CKAP5: variants seen among roughly 807,000 people sequenced by gnomAD.
CKAP5 encodes the protein cytoskeleton-associated protein 5.
A neutral mutation model predicts 232.8 loss-of-function variants in CKAP5; 27 were observed. That is an observed-to-expected ratio of 0.12 (90% CI 0.09 to 0.16). The LOEUF is 0.16. Among genes scored for constraint, CKAP5 ranks in the 10% least tolerant of loss-of-function variants. The pLI, the probability that CKAP5 is intolerant of heterozygous loss-of-function variation, is 1.00. For synonymous variants in CKAP5, 785 were observed against 841.1 expected, an observed-to-expected ratio of 0.93 and a Z score of 1.16; for missense variants, 1,838 against 2,424.7, an observed-to-expected ratio of 0.76 and a Z score of 5.08.
In CKAP5 at chr11:46,759,339, A is replaced by G. The variant is rs1455977434; in HGVS notation, c.4498T>C (p.Cys1500Arg). ...EIENDNGTVRCEMPELVQHKL... is the reference protein window; with the variant it reads ...EIENDNGTVRREMPELVQHKL... ...TGCTGAACAAGTTCTGGCATTTCAC[A>G]TCGGACTGTACCATTGTCATTCTCA... Residue 1500 changes from cysteine (C) to arginine (R), a missense_variant, in exon 34 of 44, where the codon TGT becomes CGT. Physicochemically the swap from Cys to Arg is radical, Grantham distance 180. Coordinates refer to ENST00000529230, the MANE Select transcript of CKAP5 (RefSeq NM_001008938.4). 6 of 1,614,168 alleles carry G rather than the reference A, an allele frequency of 3.7e-6. No individual in the cohort carries two copies. The highest frequency in any genetic ancestry group is 5.1e-6 in the Non-Finnish European group (6 of 1,180,044).
At chr11:46,750,003 C>CT (rs1168708284) in intron 42 of CKAP5, among the ~76,000 whole-genome samples, 1 of 151,266 alleles carries the variant, frequency 6.6e-6, no homozygotes, top group Non-Finnish European at 1.5e-5. Context: ...GCCAGTGAGA[C>CT]TGGAGGAAAA....
Position 46,743,801 on chromosome 11 carries a change from C to A in CKAP5, c.*222G>T. 1.7e-6 allele frequency: 1 copy of A among 581,954 alleles called. No individual in the cohort carries two copies. Among genetic ancestry groups the A allele is most frequent in the Non-Finnish European group, 3.0e-6 (1 of 330,130 alleles). 36.0% of individuals were successfully genotyped at this position (581,954 alleles called of 1,614,324 possible). A position where few individuals can be genotyped will look rare whatever the true frequency, so the allele number is the denominator to read the frequency against. On this transcript the variant is annotated 3_prime_UTR_variant, in exon 44 of 44. Transcript: ENST00000529230. ...GGGGGCAGCTGTTTACAAGTCTGTA[C>A]ACTAAACTCATCCACGGACAGTCTT...
At chr11:46,759,147 G>T in intron 34 of CKAP5, 104 bp from the exon 35 acceptor site, 1 of 1,502,784 alleles carries the variant, frequency 6.7e-7, no homozygotes, top group Non-Finnish European at 9.0e-7. Flanking sequence ...GTTAACAACT[G>T]CTATCATTCA....
chr11:46,826,430 C>CAG (rs894569096), intron 1 of CKAP5, among the ~76,000 whole-genome samples: 2 of 152,084 alleles, frequency 1.3e-5, no homozygotes, highest in African/African-American at 4.8e-5. Context: ...ATCCAAGGCC[C>CAG]AGAGAGAGAG....
chr11:46,749,604 TAA>T (rs2065047625), intron 42 of CKAP5, among the ~76,000 whole-genome samples: 1 of 150,462 alleles, frequency 6.6e-6, no homozygotes, highest in Non-Finnish European at 1.5e-5. Context: ...ATTAAGGAAA[TAA>T]GAGAAAGAGA....
intron 24 of CKAP5, among the ~76,000 whole-genome samples, chr11:46,774,068 A>G (rs2065271527): frequency 6.6e-6 from 1 of 152,208 alleles, no homozygotes; most frequent in Admixed American, 6.5e-5. Context: ...ATAGGAAGAG[A>G]GGAAGTCAAA....
At chr11:46,804,191 T>G (rs1368710420) in intron 8 of CKAP5, among the ~76,000 whole-genome samples, 2 of 152,226 alleles carry the variant, frequency 1.3e-5, no homozygotes, top group Non-Finnish European at 2.9e-5. Flanking sequence ...AAGAAGATAC[T>G]GCGAATCTGT....
chr11:46,803,266 AAACAAAAAAAC>A (rs1403693358), intron 8 of CKAP5, among the ~76,000 whole-genome samples: 2 of 152,024 alleles, frequency 1.3e-5, no homozygotes. Flanking sequence ...ACTATCTCAG[AAACAAAAAAAC>A]AACAAAAAAG....
intron 1 of CKAP5, among the ~76,000 whole-genome samples, chr11:46,831,078 A>T (rs1013504996): frequency 3.3e-5 from 5 of 152,130 alleles, no homozygotes; most frequent in African/African-American, 1.2e-4. Flanking sequence ...AAAGAAAAAA[A>T]TTGTTAACCA....
intron 28 of CKAP5, among the ~76,000 whole-genome samples, chr11:46,763,893 T>G (rs1359694471): frequency 1.3e-5 from 2 of 152,230 alleles, no homozygotes; most frequent in African/African-American, 4.8e-5. Context: ...CAGAGTGCAG[T>G]GGCATGATCA....
chr11:46,771,183 A>C (rs1482495472), intron 24 of CKAP5, among the ~76,000 whole-genome samples: 1 of 152,234 alleles, frequency 6.6e-6, no homozygotes, highest in Non-Finnish European at 1.5e-5. Flanking sequence ...ATCATCTTTA[A>C]GATAAGGACA....
intron 1 of CKAP5, among the ~76,000 whole-genome samples, chr11:46,821,670 G>A (rs1289289085): frequency 6.6e-6 from 1 of 151,844 alleles, no homozygotes; most frequent in Non-Finnish European, 1.5e-5. Flanking sequence ...TGATCCACCC[G>A]CCTCGGCCTC....
intron 1 of CKAP5, among the ~76,000 whole-genome samples, chr11:46,830,440 CAAAAAAAA>C (rs71042623): frequency 1.6e-4 from 11 of 67,932 alleles, no homozygotes; most frequent in South Asian, 5.4e-4. Flanking sequence ...GACTCCGTCT[CAAAAAAAA>C]AAAAAAAAAA....
intron 1 of CKAP5, among the ~76,000 whole-genome samples, chr11:46,825,913 G>A (rs1298209231): frequency 6.6e-6 from 1 of 151,888 alleles, no homozygotes; most frequent in South Asian, 2.1e-4. Context: ...ACCAAAATCT[G>A]ACAAAATCCC....
intron 7 of CKAP5, among the ~76,000 whole-genome samples, chr11:46,808,632 T>C (rs1939209468): frequency 6.6e-6 from 1 of 152,182 alleles, no homozygotes; most frequent in Admixed American, 6.5e-5. Context: ...ATATAAAAAG[T>C]ATTTTCATAA....
intron 5 of CKAP5, 58 bp downstream of exon 5, chr11:46,810,948 GA>G: frequency 7.2e-7 from 1 of 1,392,770 alleles, no homozygotes; most frequent in East Asian, 2.4e-5. Context: ...ACAACGATAG[GA>G]AGAAAATATT....
At chr11:46,830,386 A>G (rs1939759407) in intron 1 of CKAP5, among the ~76,000 whole-genome samples, 1 of 141,316 alleles carries the variant, frequency 7.1e-6, no homozygotes, top group Non-Finnish European at 1.5e-5. Flanking sequence ...GCTTGCAGTG[A>G]GCCGAGATGG....
intron 25 of CKAP5, 74 bp from the exon 26 acceptor site, chr11:46,770,172 CCT>C (rs1379209718): frequency 3.4e-6 from 5 of 1,486,810 alleles, no homozygotes; most frequent in Non-Finnish European, 4.7e-6. Flanking sequence ...ATGAACAAAT[CCT>C]CTGTCAAACA....
At chr11:46,841,795 T>C (rs1461619675) in intron 1 of CKAP5, among the ~76,000 whole-genome samples, 1 of 151,402 alleles carries the variant, frequency 6.6e-6, no homozygotes, top group Non-Finnish European at 1.5e-5. Context: ...GGTTAGGAGA[T>C]TGAGACCATC....
Sources: allele counts gnomAD v4.1 joint callset (sites outside exome capture counted in the v4.1 genomes callset), GRCh38; gene constraint gnomAD v4.1.1; transcripts MANE v1.5; gene names NCBI Gene and HGNC (gene_info 2026-07-23, HGNC 2026-07-21).